LUZP2: variants seen among roughly 807,000 people sequenced by gnomAD.
LUZP2 encodes the protein leucine zipper protein 2.
LUZP2 carries 52 observed loss-of-function variants against 51.6 expected under a neutral mutation model. The ratio of observed to expected loss-of-function variants is 1.01; its 90% CI spans 0.81 to 1.27. The LOEUF (loss-of-function observed/expected upper bound fraction) is 1.27, where lower values mean the gene tolerates loss of function less well. LUZP2 is among the 50% of genes most tolerant of loss of function. The probability of loss-of-function intolerance (pLI) is 0.00; values close to 1 mark genes in which losing one functional copy is unlikely to be tolerated. For missense variants in LUZP2, 436 were observed against 395.4 expected (o/e 1.10, Z -0.87); for synonymous variants, 154 against 137.3 (o/e 1.12, Z -0.85).
intron 5 of LUZP2, among the ~76,000 whole-genome samples, chr11:24,859,457 G>T (rs927070789): frequency 2.6e-5 from 4 of 152,100 alleles, no homozygotes; most frequent in Admixed American, 2.0e-4. Flanking sequence ...TTTAAAAATG[G>T]AGTAAATATT....
chr11:24,503,324 C>T (rs1008793340), intron 1 of LUZP2, among the ~76,000 whole-genome samples: 38 of 152,052 alleles, frequency 2.5e-4, no homozygotes, highest in African/African-American at 3.1e-4. Flanking sequence ...TCATAGAAAA[C>T]GGTGTAATTT....
intron 9 of LUZP2, among the ~76,000 whole-genome samples, chr11:25,023,772 G>A (rs1420375491): frequency 1.3e-5 from 2 of 152,090 alleles, no homozygotes; most frequent in Admixed American, 1.3e-4. Flanking sequence ...TGGGCATTTA[G>A]TGCTATACAT....
At chr11:24,566,439 C>T (rs1312481837) in intron 1 of LUZP2, among the ~76,000 whole-genome samples, 1 of 149,170 alleles carries the variant, frequency 6.7e-6, no homozygotes, top group East Asian at 2.0e-4. Context: ...AGTGACTTTC[C>T]TGCCTCAGCC....
chr11:24,740,284 C>T (rs867920543), intron 4 of LUZP2, among the ~76,000 whole-genome samples: 6 of 152,002 alleles, frequency 3.9e-5, no homozygotes, highest in African/African-American at 7.2e-5. Flanking sequence ...GTCTGAGATC[C>T]GAAAAGAAGA....
intron 1 of LUZP2, among the ~76,000 whole-genome samples, chr11:24,524,074 C>T: frequency 6.6e-6 from 1 of 151,786 alleles, no homozygotes; most frequent in East Asian, 1.9e-4. Context: ...GAATAAGAGT[C>T]TAGTCCTCAA....
At chr11:24,530,762 CTTT>C (rs367857815) in intron 1 of LUZP2, among the ~76,000 whole-genome samples, 2 of 75,372 alleles carry the variant, frequency 2.7e-5, no homozygotes, top group East Asian at 5.5e-4. Flanking sequence ...CTTCTTCTTA[CTTT>C]TTTTTTTTTT....
At chr11:24,729,329 T>C (rs1242284511) in intron 2 of LUZP2, 43 bp downstream of exon 2, 1 of 1,065,388 alleles carries the variant, frequency 9.4e-7, no homozygotes, top group Admixed American at 2.4e-5. Context: ...AGAGGAGCAG[T>C]CATCTGATTT....
intron 1 of LUZP2, among the ~76,000 whole-genome samples, chr11:24,651,827 G>A (rs1365954137): frequency 6.6e-6 from 1 of 152,132 alleles, no homozygotes; most frequent in Non-Finnish European, 1.5e-5. Context: ...TCCTGAGGAA[G>A]AGGAAATTCT....
At chr11:24,796,806 T>C (rs1224653161) in intron 5 of LUZP2, among the ~76,000 whole-genome samples, 2 of 152,290 alleles carry the variant, frequency 1.3e-5, no homozygotes, top group African/African-American at 4.8e-5. Flanking sequence ...AGAACAAATC[T>C]AGCAAAGCTT....
chr11:24,796,649 A>G (rs561834013), intron 5 of LUZP2, among the ~76,000 whole-genome samples: 1 of 151,886 alleles, frequency 6.6e-6, no homozygotes, highest in South Asian at 2.1e-4. Context: ...CTGCTGGGGA[A>G]CTCTGGTCAG....
chr11:24,852,736 C>G (rs1851435366), intron 5 of LUZP2, among the ~76,000 whole-genome samples: 1 of 152,120 alleles, frequency 6.6e-6, no homozygotes, highest in South Asian at 2.1e-4. Context: ...TAAGAACTTG[C>G]TTTATGAATT....
At chr11:24,956,825 G>A (rs1855225137) in intron 7 of LUZP2, among the ~76,000 whole-genome samples, 1 of 152,074 alleles carries the variant, frequency 6.6e-6, no homozygotes, top group African/African-American at 2.4e-5. Context: ...TTGATGATCA[G>A]CTATTTCACA....
intron 5 of LUZP2, among the ~76,000 whole-genome samples, chr11:24,901,118 C>T (rs1056409754): frequency 3.3e-5 from 5 of 152,082 alleles, no homozygotes; most frequent in African/African-American, 1.2e-4. Flanking sequence ...TTGCCTATTT[C>T]TCCTCTCTTT....
At chr11:25,045,401 A>G in intron 9 of LUZP2, among the ~76,000 whole-genome samples, 1 of 151,686 alleles carries the variant, frequency 6.6e-6, no homozygotes, top group East Asian at 2.0e-4. Flanking sequence ...AAAAAAAAAA[A>G]GAAAGTTACA....
chr11:24,782,842 C>T (rs917993609), intron 5 of LUZP2, among the ~76,000 whole-genome samples: 11 of 152,018 alleles, frequency 7.2e-5, no homozygotes, highest in Admixed American at 6.6e-5. Flanking sequence ...TTCTTAATGA[C>T]AAGCCTTTTA....
intron 7 of LUZP2, among the ~76,000 whole-genome samples, chr11:24,926,635 A>G (rs913668340): frequency 2.9e-5 from 4 of 135,756 alleles, no homozygotes; most frequent in Non-Finnish European, 4.7e-5. Flanking sequence ...GTGTGTATAT[A>G]TGTATATATA....
At chr11:25,075,661 G>T (rs1859279405) in intron 10 of LUZP2, among the ~76,000 whole-genome samples, 1 of 152,064 alleles carries the variant, frequency 6.6e-6, no homozygotes, top group African/African-American at 2.4e-5. Context: ...TCTAGTAGTA[G>T]AAAAGATAAA....
chr11:24,656,992 T>G (rs1855828743), intron 1 of LUZP2, among the ~76,000 whole-genome samples: 1 of 152,100 alleles, frequency 6.6e-6, no homozygotes, highest in Non-Finnish European at 1.5e-5. Context: ...GATTAAGGCG[T>G]GGAAACTAAG....
chr11:24,951,989 C>A (rs1267358648), intron 7 of LUZP2, among the ~76,000 whole-genome samples: 3 of 151,566 alleles, frequency 2.0e-5, no homozygotes, highest in Admixed American at 2.0e-4. Flanking sequence ...ATAATTGATA[C>A]ATATTTTTGG....
Sources: allele counts gnomAD v4.1 joint callset (sites outside exome capture counted in the v4.1 genomes callset), GRCh38; gene constraint gnomAD v4.1.1; transcripts MANE v1.5; gene names NCBI Gene and HGNC (gene_info 2026-07-23, HGNC 2026-07-21).